The following MRPL54 variants were observed in gnomAD, a reference collection of about 807,000 sequenced individuals.
The protein encoded by MRPL54 is mitochondrial ribosomal protein L54, also known as large ribosomal subunit protein mL54.
MRPL54 carries 12 observed loss-of-function variants against 15.6 expected under a neutral mutation model. That is an observed-to-expected ratio of 0.77 (90% confidence interval 0.49 to 1.24). MRPL54 has a LOEUF of 1.24. MRPL54 is among the 50% of genes most tolerant of loss of function. The pLI, the probability that MRPL54 is intolerant of heterozygous loss-of-function variation, is 0.00. For synonymous variants in MRPL54, 91 were observed against 75.7 expected, an observed-to-expected ratio of 1.20 and a Z score of -1.05; for missense variants, 178 against 186.8, an observed-to-expected ratio of 0.95 and a Z score of 0.28.
At chr19:3,766,438 TC>T (rs2037198795) in intron 2 of MRPL54, among the ~76,000 whole-genome samples, 1 of 151,814 alleles carries the variant, frequency 6.6e-6, no homozygotes, top group African/African-American at 2.4e-5. Context: ...GGTCTTGAAC[TC>T]CTGACCTCAG....
rs551517274 is a variant in MRPL54 at position 3,765,097 on chromosome 19, T to C, written c.119-69T>C. The C allele has an allele frequency of 4.1e-5, 62 of 1,503,956 alleles. No homozygotes were observed. In the East Asian group the frequency reaches 1.4e-3, roughly 34 times the overall value. The allele number at this position is 1,503,956 out of a possible 1,614,324, so 93.2% of individuals were successfully genotyped here. On this transcript the variant is annotated intron_variant, in intron 1 of 2. Transcript: ENST00000330133. ...GGGGCAGAGGCCACCTGAGACAGGG[T>C]TCTGTGAGAGAAGTTTGGCTTCCAG... is the stretch of plus-strand genomic sequence containing the variant.
rs199735969 is a variant in MRPL54, at chr19:3,767,375, C to T, written c.399C>T (p.Ser133=). ...KQNIWRHNRL[S]KNKRL ...ACATCTGGCGCCACAACCGGCTGAGCAAGAACAAGAGGTTGTAGCATGGAG... is the reference window on the plus strand; with the variant it reads ...ACATCTGGCGCCACAACCGGCTGAGTAAGAACAAGAGGTTGTAGCATGGAG... The change falls in exon 3 of 3, where the codon AGC becomes AGT. Residue 133 remains serine, a synonymous_variant. Coordinates refer to ENST00000330133, the MANE Select transcript of MRPL54 (RefSeq NM_172251.3). 3.1e-6 allele frequency: 5 copies of T among 1,610,274 alleles called. No individual in the cohort carries two copies. The highest frequency in any genetic ancestry group is 4.2e-6 in the Non-Finnish European group (5 of 1,178,620).
chr19:3,762,698 G>C lies in MRPL54; in HGVS notation c.-3G>C. ...TGCACTTGCAAGCTGCCCGCAATAC[G>C]TCATGGCGACCAAACGCCTTTTCGG... On this transcript the variant is annotated 5_prime_UTR_variant, in exon 1 of 3. Transcript: ENST00000330133. The C allele has an allele frequency of 4.3e-6, 7 of 1,611,366 alleles. No homozygotes were observed. The highest frequency in any genetic ancestry group is 5.1e-6 in the Non-Finnish European group (6 of 1,178,892).
chr19:3,763,574 T>C (rs1173943888), intron 1 of MRPL54, among the ~76,000 whole-genome samples: 1 of 150,266 alleles, frequency 6.7e-6, no homozygotes, highest in East Asian at 2.0e-4. Context: ...AACCCAGGAG[T>C]TCGAGACCAG....
intron 2 of MRPL54, among the ~76,000 whole-genome samples, chr19:3,765,598 T>A (rs972580126): frequency 3.3e-5 from 5 of 152,132 alleles, no homozygotes; most frequent in Admixed American, 6.5e-5. Flanking sequence ...AGCAAATACT[T>A]AAAAAAAATT....
Position 3,762,808 on chromosome 19 carries a change from C to T in MRPL54, c.108C>T (p.Ala36=), listed in dbSNP as rs1160134383. 1 of 1,583,022 alleles carries T rather than the reference C, an allele frequency of 6.3e-7. No homozygotes were observed. Among genetic ancestry groups the T allele is most frequent in the Non-Finnish European group, 8.6e-7 (1 of 1,163,538 alleles). Residue 36 remains alanine, a synonymous_variant, in exon 1 of 3, where the codon GCC becomes GCT. Transcript: ENST00000330133. The part of the protein sequence containing the change: ...TSGRLLARDY[A]KKPVMKGAKS... ...GAAGACTCCTGGCCCGGGATTATGC[C>T]AAGAAACCAGGTGAGCTGGGTTAAG...
In MRPL54 at chr19:3,765,326, T is replaced by C; in HGVS notation, c.279T>C (p.Pro93=). Residue 93 remains proline, a synonymous_variant, in exon 2 of 3, where the codon CCT becomes CCC. Transcript: ENST00000330133. The part of the protein sequence containing the change: ...DVPLKPDAEY[P]EWLFEMNLGP... Reference sequence around the variant, plus strand: ...CCCTGAAACCGGATGCTGAGTACCCTGAATGGTGAGTAGGCCAGGCTGTGT... The same window carrying C: ...CCCTGAAACCGGATGCTGAGTACCCCGAATGGTGAGTAGGCCAGGCTGTGT... The C allele has an allele frequency of 6.2e-7, 1 of 1,613,360 alleles. No individual in the cohort carries two copies. Among genetic ancestry groups the C allele is most frequent in the Non-Finnish European group, 8.5e-7 (1 of 1,179,684 alleles).
At chr19:3,765,110 G>C in intron 1 of MRPL54, 56 bp from the exon 2 acceptor site, 2 of 1,552,358 alleles carry the variant, frequency 1.3e-6, no homozygotes, top group Non-Finnish European at 1.7e-6. Context: ...TGTGAGAGAA[G>C]TTTGGCTTCC....
chr19:3,763,259 T>G (rs1435233967), intron 1 of MRPL54, among the ~76,000 whole-genome samples: 1 of 152,204 alleles, frequency 6.6e-6, no homozygotes, highest in African/African-American at 2.4e-5. Flanking sequence ...AATTGGCCAC[T>G]TCAGCAAGAA....
intron 2 of MRPL54, among the ~76,000 whole-genome samples, chr19:3,765,605 A>C (rs2037191507): frequency 6.6e-6 from 1 of 152,138 alleles, no homozygotes; most frequent in Admixed American, 6.5e-5. Context: ...ACTTAAAAAA[A>C]ATTTTTTTTC....
At chr19:3,766,159 C>T (rs1485553993) in intron 2 of MRPL54, among the ~76,000 whole-genome samples, 9 of 151,662 alleles carry the variant, frequency 5.9e-5, no homozygotes, top group Non-Finnish European at 1.3e-4. Flanking sequence ...TCACTGCAAC[C>T]TCCACCTCCC....
At position 3,762,941 on chromosome 19, in the gene MRPL54, G is replaced by C. The variant is rs1437959578; in HGVS notation, c.118+123G>C. The stretch of plus-strand genomic sequence containing the variant: ...CGCAAGCGCAGAGAGGCGGATGCCA[G>C]GCTGTATGCGCAGGCGCAGTTTGAG... On this transcript the variant is annotated intron_variant, in intron 1 of 2. Transcript: ENST00000330133. 12 of 811,670 alleles carry C rather than the reference G, an allele frequency of 1.5e-5. No individual in the cohort carries two copies. In the Admixed American group the frequency reaches 1.5e-4, roughly 10 times the overall value. 50.3% of individuals were successfully genotyped at this position (811,670 alleles called of 1,614,324 possible).
intron 1 of MRPL54, 125 bp from the exon 2 acceptor site, chr19:3,765,041 A>AAT: frequency 1.0e-6 from 1 of 973,030 alleles, no homozygotes; most frequent in Non-Finnish European, 1.5e-6. Context: ...AAAAAAAAAA[A>AAT]GAAAGTTTTG....
chr19:3,767,251 C>T lies in MRPL54; in HGVS notation c.285-10C>T. On this transcript the variant is annotated splice_polypyrimidine_tract_variant and intron_variant, in intron 2 of 2. Transcript: ENST00000330133. ...CGTGTAGCTCTGATTCCTGCCCGCA[C>T]CCCCGTCAGGCTGTTCGAGATGAAC... The T allele has an allele frequency of 1.2e-6, 2 of 1,608,462 alleles. No homozygotes were observed. Among genetic ancestry groups the T allele is most frequent in the Non-Finnish European group, 1.7e-6 (2 of 1,177,984 alleles).
At chr19:3,766,658 G>A (rs1219687494) in intron 2 of MRPL54, among the ~76,000 whole-genome samples, 2 of 152,362 alleles carry the variant, frequency 1.3e-5, no homozygotes, top group South Asian at 2.1e-4. Context: ...GGCAGCTGTG[G>A]TGGTGACACT....
At position 3,764,845 on chromosome 19, in the gene MRPL54, G is replaced by A. The variant is rs1294756422; in HGVS notation, c.119-321G>A. ...AGATCGAGACCATCCTGGCTAACAC[G>A]GTGAAACCCCGTCTCTACTAAAAAT... On this transcript the variant is annotated intron_variant, in intron 1 of 2. Coordinates refer to ENST00000330133, the MANE Select transcript of MRPL54 (RefSeq NM_172251.3). Among the ~76,000 whole-genome samples, 45 of 151,908 alleles carry A rather than the reference G, an allele frequency of 3.0e-4. 2 individuals carry two copies. The highest frequency in any genetic ancestry group is 1.9e-3 in the Admixed American group (29 of 15,274).
intron 2 of MRPL54, among the ~76,000 whole-genome samples, chr19:3,765,625 G>T (rs1474245138): frequency 6.6e-6 from 1 of 152,030 alleles, no homozygotes; most frequent in South Asian, 2.1e-4. Context: ...CAGGCTGGGC[G>T]CCGTGGCTCA....
At chr19:3,765,479 C>T in intron 2 of MRPL54, 148 bp downstream of exon 2, 1 of 778,942 alleles carries the variant, frequency 1.3e-6, no homozygotes, top group South Asian at 1.8e-5. Flanking sequence ...GGCTTCAGGG[C>T]TCTGCCCATC....
chr19:3,766,414 A>G (rs1251649359), intron 2 of MRPL54, among the ~76,000 whole-genome samples: 1 of 151,520 alleles, frequency 6.6e-6, no homozygotes, highest in Non-Finnish European at 1.5e-5. Flanking sequence ...GGGTTTCTCC[A>G]TGTTGGCCAG....
Sources: allele counts gnomAD v4.1 joint callset (sites outside exome capture counted in the v4.1 genomes callset), GRCh38; gene constraint gnomAD v4.1.1; transcripts MANE v1.5; gene names NCBI Gene and HGNC (gene_info 2026-07-23, HGNC 2026-07-21).